DNAH6: variants seen among roughly 807,000 people sequenced by gnomAD.
DNAH6 encodes the protein dynein axonemal heavy chain 6, also known as axonemal beta dynein heavy chain 6.
Under a neutral mutation model 491.4 loss-of-function variants are expected in DNAH6, and 340 were observed. The observed-to-expected ratio is 0.69, with a 90% CI of 0.63 to 0.76. The LOEUF is 0.76. Among genes scored for constraint, DNAH6 ranks in the 30% least tolerant of loss-of-function variants. The pLI is 0.00. For missense variants in DNAH6, 4,443 were observed against 4,972.2 expected (o/e 0.89, Z 3.20); for synonymous variants, 1,603 against 1,686.1 (o/e 0.95, Z 1.21).
At chr2:84,798,013 T>A (rs1678507222) in intron 70 of DNAH6, among the ~76,000 whole-genome samples, 1 of 152,214 alleles carries the variant, frequency 6.6e-6, no homozygotes, top group African/African-American at 2.4e-5. Flanking sequence ...GGCACATTTG[T>A]GTCATATTAC....
intron 64 of DNAH6, among the ~76,000 whole-genome samples, chr2:84,763,551 G>T (rs557318259): frequency 2.6e-5 from 4 of 152,048 alleles, no homozygotes. Context: ...GGAGAATAGG[G>T]GTCTCAGATC....
At chr2:84,492,152 T>A in the DNAH6 span, among the ~76,000 whole-genome samples, 1 of 152,208 alleles carries the variant, frequency 6.6e-6, no homozygotes, top group Non-Finnish European at 1.5e-5. Flanking sequence ...ACACACTATG[T>A]CACCTTTCTG....
chr2:84,514,252 C>T (rs902516539), upstream of DNAH6, among the ~76,000 whole-genome samples: 3 of 152,190 alleles, frequency 2.0e-5, no homozygotes, highest in African/African-American at 7.2e-5. Context: ...ATTCAATAAT[C>T]TTGGGCTCAA....
intron 33 of DNAH6, among the ~76,000 whole-genome samples, chr2:84,651,451 A>G (rs1256942666): frequency 1.3e-5 from 2 of 152,204 alleles, no homozygotes; most frequent in Non-Finnish European, 2.9e-5. Context: ...TGGTGAGGGT[A>G]GGAATAAATA....
In DNAH6 at chr2:84,653,314, G is replaced by A. The variant is rs1337187144; in HGVS notation, c.5079-5G>A. 2.4e-5 allele frequency: 36 copies of A among 1,493,690 alleles called. No homozygotes were observed. Among genetic ancestry groups the A allele is most frequent in the Non-Finnish European group, 3.0e-5 (34 of 1,120,536 alleles). The allele number at this position is 1,493,690 out of a possible 1,614,324, so 92.5% of individuals were successfully genotyped here. On this transcript the variant is annotated splice_region_variant and splice_polypyrimidine_tract_variant and intron_variant, in intron 33 of 76. Transcript: ENST00000389394. The stretch of plus-strand genomic sequence containing the variant: ...TCCTAATTGATTTTATTTTTGTTTT[G>A]ACAGTGGAATCATATCTGACCTTTT...
At chr2:84,813,197 T>G (rs1680167003) in intron 74 of DNAH6, 67 bp downstream of exon 74, 9 of 1,181,720 alleles carry the variant, frequency 7.6e-6, no homozygotes, top group South Asian at 6.6e-5. Context: ...GGTTTTGAGG[T>G]GCTGGGGAAA....
At chr2:84,526,481 G>C (rs528768178) in intron 3 of DNAH6, among the ~76,000 whole-genome samples, 2 of 152,232 alleles carry the variant, frequency 1.3e-5, no homozygotes, top group African/African-American at 4.8e-5. Context: ...GGGTATAAGA[G>C]CTCTCCTTAG....
At chr2:84,759,627 A>G (rs1674376809) in intron 63 of DNAH6, among the ~76,000 whole-genome samples, 1 of 152,192 alleles carries the variant, frequency 6.6e-6, no homozygotes, top group African/African-American at 2.4e-5. Flanking sequence ...TGACAGAAAT[A>G]AATGGAAAAA....
At chr2:84,553,421 CTTTCTTTCTTTCTTTT>C (rs1679682541) in intron 10 of DNAH6, among the ~76,000 whole-genome samples, 3 of 120,976 alleles carry the variant, frequency 2.5e-5, no homozygotes, top group Non-Finnish European at 5.3e-5. Context: ...TTCTTTCTTT[CTTTCTTTCTTTCTTTT>C]TCTCTTTCTC....
intron 68 of DNAH6, among the ~76,000 whole-genome samples, chr2:84,795,034 T>C (rs1180070583): frequency 3.3e-5 from 5 of 149,296 alleles, no homozygotes; most frequent in African/African-American, 1.2e-4. Flanking sequence ...TGTAGGGACA[T>C]GGATGAAATT....
In DNAH6 at chr2:84,659,079, G is replaced by A; in HGVS notation, c.5994G>A (p.Leu1998=). The change falls in exon 37 of 77, where the codon TTG becomes TTA. Residue 1998 remains leucine, a synonymous_variant. Coordinates refer to ENST00000389394, the MANE Select transcript of DNAH6 (RefSeq NM_001370.2). ...GTCAGACTTTTGTATTCTGTTATTT[G>A]TGGTCTTTGGGTGGAAACCTAACTG... ...ILCQTFVFCY[L]WSLGGNLTEN... 6.7e-7 allele frequency: 1 copy of A among 1,496,718 alleles called. No homozygotes were observed. Among genetic ancestry groups the A allele is most frequent in the Non-Finnish European group, 9.1e-7 (1 of 1,102,422 alleles). 92.7% of individuals were successfully genotyped at this position (1,496,718 alleles called of 1,614,324 possible). A position where few individuals can be genotyped will look rare whatever the true frequency, so the allele number is the denominator to read the frequency against.
intron 44 of DNAH6, among the ~76,000 whole-genome samples, chr2:84,687,190 A>C (rs1375644312): frequency 6.6e-6 from 1 of 152,142 alleles, no homozygotes; most frequent in Non-Finnish European, 1.5e-5. Flanking sequence ...ACCCTCTGGT[A>C]AATTTTACCC....
chr2:84,559,947 A>G (rs1680474354), intron 11 of DNAH6, among the ~76,000 whole-genome samples: 1 of 152,190 alleles, frequency 6.6e-6, no homozygotes, highest in Non-Finnish European at 1.5e-5. Context: ...AAAAGTAATG[A>G]GTATAGAAGA....
intron 64 of DNAH6, among the ~76,000 whole-genome samples, chr2:84,768,988 C>T (rs535446993): frequency 6.6e-6 from 1 of 152,356 alleles, no homozygotes; most frequent in East Asian, 1.9e-4. Context: ...CAGTGTGACT[C>T]AGTGAGTTTG....
chr2:84,533,943 T>A (rs79638711), intron 4 of DNAH6, among the ~76,000 whole-genome samples: 8,771 of 152,136 alleles, frequency 0.058, 542 homozygotes, highest in African/African-American at 0.15. Flanking sequence ...TAATTTTTTT[T>A]AAAAATTACA....
chr2:84,681,482 G>A lies in DNAH6; in HGVS notation c.6870G>A (p.Lys2290=). Residue 2290 remains lysine (K), a synonymous_variant, in exon 42 of 77, where the codon AAG becomes AAA. Coordinates refer to ENST00000389394, the MANE Select transcript of DNAH6 (RefSeq NM_001370.2). ...MSVDLLPTPA[K]SHYVFNLRDL... is the part of the protein sequence containing the mutation. Reference sequence around the variant, plus strand: ...TTGACCTCCTGCCAACACCCGCCAAGTCCCATTATGTCTTTAACTTGAGGG... The same window carrying A: ...TTGACCTCCTGCCAACACCCGCCAAATCCCATTATGTCTTTAACTTGAGGG... 1 of 1,550,782 alleles carries A rather than the reference G, an allele frequency of 6.4e-7. No homozygotes were observed. Among genetic ancestry groups the A allele is most frequent in the Non-Finnish European group, 8.7e-7 (1 of 1,146,664 alleles).
chr2:84,548,243 C>CT lies in DNAH6; in HGVS notation c.1187-41dup, dbSNP rs753329575. The CT allele has an allele frequency of 1.6e-5, 24 of 1,543,624 alleles. No homozygotes were observed. The East Asian group carries it at 5.2e-4, about 34-fold the overall frequency. On this transcript the variant is annotated intron_variant, in intron 7 of 76. Transcript: ENST00000389394. ...TTGAATCATATTGAAAGAGATGGAACTTTTACACAAGTACACTTGTTGTTG... is the reference window on the plus strand; with the variant it reads ...TTGAATCATATTGAAAGAGATGGAACTTTTTACACAAGTACACTTGTTGTTG...
At chr2:84,752,327 A>T (rs1182646104) in intron 63 of DNAH6, among the ~76,000 whole-genome samples, 2 of 152,204 alleles carry the variant, frequency 1.3e-5, no homozygotes, top group Admixed American at 6.5e-5. Flanking sequence ...GCTTGGCACA[A>T]CTACTTGCTA....
intron 68 of DNAH6, among the ~76,000 whole-genome samples, chr2:84,795,371 T>C (rs116252626): frequency 0.011 from 1,672 of 152,288 alleles, 36 homozygotes; most frequent in African/African-American, 0.038. Flanking sequence ...TGCATAAATT[T>C]ATTAGTTTGT....
Sources: gnomAD v4.1 joint callset for allele counts (sites outside exome capture counted in the v4.1 genomes callset) on GRCh38, gnomAD v4.1.1 for gene constraint, MANE v1.5 for transcripts, NCBI Gene and HGNC (gene_info 2026-07-23, HGNC 2026-07-21) for gene names.